CACNA1C: variants seen among roughly 807,000 people sequenced by gnomAD.
CACNA1C encodes voltage-dependent L-type calcium channel subunit alpha-1C.
Under a neutral mutation model 229.0 loss-of-function variants are expected in CACNA1C, and 30 were observed. The ratio of observed to expected loss-of-function variants is 0.13; its 90% CI spans 0.10 to 0.18. The LOEUF is 0.18. CACNA1C is among the 10% of genes least tolerant of loss of function. The probability of loss-of-function intolerance (pLI) is 1.00; values close to 1 mark genes in which losing one functional copy is unlikely to be tolerated. For synonymous variants in CACNA1C, 1,114 were observed against 1,132.5 expected, an observed-to-expected ratio of 0.98 and a Z score of 0.33; for missense variants, 1,658 against 2,845.0, an observed-to-expected ratio of 0.58 and a Z score of 9.49.
At chr12:2,355,821 A>G (rs886646407) in intron 3 of CACNA1C, among the ~76,000 whole-genome samples, 1 of 152,182 alleles carries the variant, frequency 6.6e-6, no homozygotes, top group South Asian at 2.1e-4. Flanking sequence ...AAGAGCCTAC[A>G]GTAGATGGGA....
chr12:2,662,043 C>T (rs1196400571), intron 34 of CACNA1C, among the ~76,000 whole-genome samples: 2 of 152,066 alleles, frequency 1.3e-5, no homozygotes, highest in Admixed American at 1.3e-4. Context: ...GAGATCGAGA[C>T]CATCCTGGCT....
In CACNA1C at chr12:2,690,915, G is replaced by T; in HGVS notation, c.6133G>T (p.Gly2045Ter). ...GCTCCTTCAGGTCTTGATTTCAGAA[G>T]GACTGGGGCAGTTTGCTCAAGATCC... ...SLVEAVLISE[G>*]LGQFAQDPKF... The change falls in exon 47 of 47, where the codon GGA (glycine) becomes TGA (stop). Residue 2045 changes from glycine to a stop codon, truncating the protein, a stop_gained. Transcript: ENST00000399655. LOFTEE classifies it low-confidence loss of function (END_TRUNC). 1 of 1,579,264 alleles carries T rather than the reference G, an allele frequency of 6.3e-7. No individual in the cohort carries two copies. Among genetic ancestry groups the T allele is most frequent in the Non-Finnish European group, 8.6e-7 (1 of 1,159,540 alleles).
At chr12:2,165,994 G>C (rs1472117894) in intron 3 of CACNA1C, among the ~76,000 whole-genome samples, 1 of 152,216 alleles carries the variant, frequency 6.6e-6, no homozygotes, top group African/African-American at 2.4e-5. Context: ...TACGTGCAGA[G>C]GGCACGTAGT....
At chr12:2,502,537 C>A (rs751756757) in intron 7 of CACNA1C, among the ~76,000 whole-genome samples, 1 of 152,216 alleles carries the variant, frequency 6.6e-6, no homozygotes, top group African/African-American at 2.4e-5. Context: ...GCCAAGTGGG[C>A]ACACACTGGG....
At chr12:2,511,339 G>T (rs917067167) in intron 8 of CACNA1C, among the ~76,000 whole-genome samples, 7 of 152,202 alleles carry the variant, frequency 4.6e-5, no homozygotes, top group Non-Finnish European at 7.3e-5. Context: ...GCACTAGGCA[G>T]TGCAGGTAGT....
intron 11 of CACNA1C, among the ~76,000 whole-genome samples, chr12:2,561,707 G>T (rs1309795318): frequency 6.6e-6 from 1 of 152,134 alleles, no homozygotes; most frequent in Non-Finnish European, 1.5e-5. Flanking sequence ...TGGAGCTGGG[G>T]CTGCGAGAGC....
intron 3 of CACNA1C, among the ~76,000 whole-genome samples, chr12:2,340,128 T>C (rs1039260000): frequency 6.6e-6 from 1 of 152,222 alleles, no homozygotes; most frequent in Non-Finnish European, 1.5e-5. Flanking sequence ...GAAGCTGTTT[T>C]CACAGTTTCA....
intron 1 of CACNA1C, among the ~76,000 whole-genome samples, chr12:2,071,012 CTCCT>C (rs1391925570): frequency 7.6e-5 from 9 of 117,960 alleles, no homozygotes; most frequent in Non-Finnish European, 1.5e-4. Flanking sequence ...CCTTCTCTTT[CTCCT>C]TCCTTCCTTC....
At chr12:2,682,354 T>C (rs138540706) in intron 42 of CACNA1C, among the ~76,000 whole-genome samples, 196 bp from the exon 43 acceptor site, 72 of 152,290 alleles carry the variant, frequency 4.7e-4, no homozygotes, top group Non-Finnish European at 8.1e-4. Context: ...CACCCTAATC[T>C]GAACACTTCT....
intron 1 of CACNA1C, among the ~76,000 whole-genome samples, chr12:2,096,668 A>G (rs1360710461): frequency 6.6e-6 from 1 of 152,216 alleles, no homozygotes; most frequent in Non-Finnish European, 1.5e-5. Context: ...ATGTTGTATA[A>G]CCATCAAGCA....
chr12:2,333,805 T>C (rs1306215711), intron 3 of CACNA1C, among the ~76,000 whole-genome samples: 2 of 152,204 alleles, frequency 1.3e-5, no homozygotes, highest in African/African-American at 2.4e-5. Flanking sequence ...TAGCTCTTTT[T>C]GATGTTCAAA....
chr12:2,229,588 G>A (rs1183495962), intron 3 of CACNA1C, among the ~76,000 whole-genome samples: 3 of 152,182 alleles, frequency 2.0e-5, no homozygotes, highest in African/African-American at 7.2e-5. Flanking sequence ...TAAAGCAGGG[G>A]AATGGGGTGT....
chr12:2,093,926 G>A (rs2072614999), intron 1 of CACNA1C, among the ~76,000 whole-genome samples: 1 of 152,204 alleles, frequency 6.6e-6, no homozygotes, highest in African/African-American at 2.4e-5. Flanking sequence ...TTCTTCAGCA[G>A]CATACTGAGT....
At chr12:2,343,459 A>G (rs2096919961) in intron 3 of CACNA1C, among the ~76,000 whole-genome samples, 1 of 152,238 alleles carries the variant, frequency 6.6e-6, no homozygotes, top group Non-Finnish European at 1.5e-5. Flanking sequence ...GCCCAGCTGG[A>G]TTTGAATTTC....
intron 42 of CACNA1C, chr12:2,680,701 A>C: frequency 9.4e-6 from 7 of 743,270 alleles, no homozygotes; most frequent in African/African-American, 1.8e-5. Flanking sequence ...GTCCCTGCAG[A>C]GGGCCCATTT....
intron 1 of CACNA1C, among the ~76,000 whole-genome samples, chr12:2,015,413 T>G (rs2045188386): frequency 6.6e-6 from 1 of 152,202 alleles, no homozygotes; most frequent in African/African-American, 2.4e-5. Context: ...GTCCCCTGTT[T>G]GCCAGGGCCT....
At chr12:2,394,382 C>T (rs541733901) in intron 3 of CACNA1C, among the ~76,000 whole-genome samples, 38 of 152,170 alleles carry the variant, frequency 2.5e-4, no homozygotes, top group Non-Finnish European at 4.1e-4. Context: ...AAAATTTCTC[C>T]ATTTCTTCAT....
At chr12:2,511,295 T>C (rs1055916985) in intron 8 of CACNA1C, among the ~76,000 whole-genome samples, 8 of 152,190 alleles carry the variant, frequency 5.3e-5, no homozygotes, top group African/African-American at 1.7e-4. Flanking sequence ...ATGCTGAAAT[T>C]AGTGCTCTCC....
chr12:2,123,957 G>T (rs1948528611), intron 3 of CACNA1C, among the ~76,000 whole-genome samples: 1 of 152,090 alleles, frequency 6.6e-6, no homozygotes, highest in African/African-American at 2.4e-5. Context: ...GAAGTGTTGG[G>T]TCTTGTTAAT....
Sources: allele counts gnomAD v4.1 joint callset (sites outside exome capture counted in the v4.1 genomes callset), GRCh38; gene constraint gnomAD v4.1.1; transcripts MANE v1.5; gene names NCBI Gene and HGNC (gene_info 2026-07-23, HGNC 2026-07-21).